The following NCKAP5 variants were observed in gnomAD, a reference collection of about 807,000 sequenced individuals.
NCKAP5 encodes NCK associated protein 5, also known as nck-associated protein 5.
NCKAP5 carries 92 observed loss-of-function variants against 167.0 expected under a neutral mutation model. That is an observed-to-expected ratio of 0.55 (90% confidence interval 0.47 to 0.66). The LOEUF is 0.66. NCKAP5 is among the 30% of genes least tolerant of loss of function. NCKAP5 has a pLI of 0.00. For synonymous variants in NCKAP5, 891 were observed against 877.4 expected, an observed-to-expected ratio of 1.02 and a Z score of -0.27; for missense variants, 2,378 against 2,315.0, an observed-to-expected ratio of 1.03 and a Z score of -0.56.
chr2:133,210,813 G>T (rs1224799864), intron 5 of NCKAP5, among the ~76,000 whole-genome samples: 15 of 152,084 alleles, frequency 9.9e-5, no homozygotes, highest in Admixed American at 9.2e-4. Context: ...TGTCTCCAAG[G>T]AATTGAAATG....
rs568351860 is a variant in NCKAP5, at chr2:132,797,463, A to C, written c.808-734T>G. 2.6e-5 allele frequency among the ~76,000 whole-genome samples: 4 copies of C among 152,336 alleles called. No individual in the cohort carries two copies. The East Asian group carries it at 7.7e-4, about 29-fold the overall frequency. ...TGATCTGTTTAATTGCAAATACAAT[A>C]AAAGTCGTGATTTATGCTTAATGTT... On this transcript the variant is annotated intron_variant, in intron 11 of 19. Coordinates refer to ENST00000409261, the MANE Select transcript of NCKAP5 (RefSeq NM_207363.3).
intron 3 of NCKAP5, chr2:133,333,803 G>A (rs932799267): frequency 6.6e-6 from 1 of 152,180 alleles, no homozygotes; most frequent in African/African-American, 2.4e-5. Flanking sequence ...GGTGTTGTGT[G>A]GAAATGAAAG....
In NCKAP5 at chr2:133,400,398, G is replaced by T. The variant is rs1466442307; in HGVS notation, c.70-97288C>A. ...GTAATTGTGTTAAGGATCTCCAGAT[G>T]AGATCATCCTGGATTACTGGTGGGC... On this transcript the variant is annotated intron_variant, in intron 3 of 19. Coordinates refer to ENST00000409261, the MANE Select transcript of NCKAP5 (RefSeq NM_207363.3). 6.6e-5 allele frequency among the ~76,000 whole-genome samples: 10 copies of T among 152,298 alleles called. No homozygotes were observed. In the South Asian group the frequency reaches 1.7e-3, roughly 25 times the overall value.
At chr2:132,686,489 G>T (rs1184635066) in intron 19 of NCKAP5, among the ~76,000 whole-genome samples, 2 of 152,160 alleles carry the variant, frequency 1.3e-5, no homozygotes, top group East Asian at 3.9e-4. Context: ...GTGTATATCG[G>T]TTGCCATAGC....
intron 4 of NCKAP5, among the ~76,000 whole-genome samples, chr2:133,279,032 G>A (rs919439801): frequency 2.0e-5 from 3 of 152,184 alleles, no homozygotes; most frequent in African/African-American, 7.2e-5. Context: ...GCGACTGTGG[G>A]TAATCATGCA....
chr2:133,180,956 T>C (rs1303484609), intron 5 of NCKAP5, among the ~76,000 whole-genome samples: 1 of 151,754 alleles, frequency 6.6e-6, no homozygotes, highest in Non-Finnish European at 1.5e-5. Context: ...CCAAAATATA[T>C]AAGAAATAAA....
chr2:133,417,864 G>A (rs766954210), intron 3 of NCKAP5, among the ~76,000 whole-genome samples: 8 of 152,192 alleles, frequency 5.3e-5, no homozygotes, highest in South Asian at 2.1e-4. Context: ...AAGAAAAGGC[G>A]TAGGAGAAAA....
intron 3 of NCKAP5, among the ~76,000 whole-genome samples, chr2:133,501,815 G>C (rs1575068616): frequency 6.6e-6 from 1 of 152,308 alleles, no homozygotes; most frequent in East Asian, 1.9e-4. Flanking sequence ...ATTCAAGTGA[G>C]AAACCTTACT....
At chr2:132,767,906 C>T (rs1429847225) in intron 16 of NCKAP5, among the ~76,000 whole-genome samples, 2 of 152,182 alleles carry the variant, frequency 1.3e-5, no homozygotes, top group African/African-American at 4.8e-5. Context: ...GGGAGAAGAG[C>T]ACCTCACAGA....
rs888757992 is a variant in NCKAP5, at chr2:132,784,487, T to C, written c.2324A>G (p.Lys775Arg). 6.3e-7 allele frequency: 1 copy of C among 1,578,110 alleles called. No homozygotes were observed. The highest frequency in any genetic ancestry group is 8.6e-7 in the Non-Finnish European group (1 of 1,163,134). ...CTGGCATGATATATTGTGTGTTGGT[T>C]TGACCAGCTTTTGCTGCTGAGGATT... ...TQNPQQQKLV[K>R]PTHNISCQSN... The change falls in exon 14 of 20, where the codon AAA (lysine) becomes AGA (arginine). Residue 775 changes from lysine (K) to arginine (R), a missense_variant. By Grantham distance (26) the Lys-to-Arg change is conservative. Coordinates refer to ENST00000409261, the MANE Select transcript of NCKAP5 (RefSeq NM_207363.3).
At chr2:132,701,416 C>G (rs1422520654) in intron 19 of NCKAP5, among the ~76,000 whole-genome samples, 2 of 152,128 alleles carry the variant, frequency 1.3e-5, no homozygotes, top group African/African-American at 4.8e-5. Flanking sequence ...CTAATCTAAT[C>G]ATATCAAAAC....
intron 10 of NCKAP5, among the ~76,000 whole-genome samples, chr2:132,866,890 G>T (rs889763803): frequency 1.3e-5 from 2 of 152,034 alleles, no homozygotes; most frequent in East Asian, 1.9e-4. Context: ...TAATTAAAAA[G>T]AAATTTTAGT....
intron 3 of NCKAP5, among the ~76,000 whole-genome samples, chr2:133,410,263 T>C (rs1406577428): frequency 6.6e-6 from 1 of 152,196 alleles, no homozygotes; most frequent in African/African-American, 2.4e-5. Flanking sequence ...AGCAGGGACA[T>C]TTCCCCCTCA....
intron 4 of NCKAP5, among the ~76,000 whole-genome samples, chr2:133,291,316 G>T (rs1378979294): frequency 6.6e-6 from 1 of 152,190 alleles, no homozygotes. Flanking sequence ...AGAGCAACAT[G>T]CTGGGAACTG....
At chr2:132,804,357 T>C (rs1574277011) in intron 11 of NCKAP5, among the ~76,000 whole-genome samples, 1 of 152,360 alleles carries the variant, frequency 6.6e-6, no homozygotes, top group Non-Finnish European at 1.5e-5. Flanking sequence ...ATTTCCATTT[T>C]CATCACTAAT....
At chr2:133,614,724 T>G in the NCKAP5 span, among the ~76,000 whole-genome samples, 4 of 152,176 alleles carry the variant, frequency 2.6e-5, no homozygotes, top group Non-Finnish European at 5.9e-5. Flanking sequence ...GAAAACACTC[T>G]GCAGGATATT....
At chr2:132,846,983 G>A (rs1688708758) in intron 11 of NCKAP5, among the ~76,000 whole-genome samples, 1 of 152,012 alleles carries the variant, frequency 6.6e-6, no homozygotes, top group African/African-American at 2.4e-5. Flanking sequence ...AAATATTCGT[G>A]TATTTTATGA....
chr2:133,077,861 A>G (rs1179583251), intron 6 of NCKAP5, among the ~76,000 whole-genome samples: 2 of 152,196 alleles, frequency 1.3e-5, no homozygotes, highest in Non-Finnish European at 2.9e-5. Context: ...TCAGAAGCAG[A>G]ACAGGAACCC....
the NCKAP5 span, among the ~76,000 whole-genome samples, chr2:133,589,494 AC>A: frequency 6.6e-6 from 1 of 152,164 alleles, no homozygotes; most frequent in African/African-American, 2.4e-5. Flanking sequence ...TTCTGGATGC[AC>A]CGTCCTGGGA....
Sources: allele counts gnomAD v4.1 joint callset (sites outside exome capture counted in the v4.1 genomes callset), GRCh38; gene constraint gnomAD v4.1.1; transcripts MANE v1.5; gene names NCBI Gene and HGNC (gene_info 2026-07-23, HGNC 2026-07-21).